Variants in MYO1A observed in about 807,000 individuals in gnomAD.
MYO1A encodes unconventional myosin-Ia.
MYO1A carries 127 observed loss-of-function variants against 138.5 expected under a neutral mutation model. The ratio of observed to expected loss-of-function variants is 0.92; its 90% CI spans 0.79 to 1.06. The LOEUF is 1.06. Among genes scored for constraint, MYO1A ranks in the 50% least tolerant of loss-of-function variants. The pLI, the probability that MYO1A is intolerant of heterozygous loss-of-function variation, is 0.00. For synonymous variants in MYO1A, 477 were observed against 497.5 expected (o/e 0.96, Z 0.55); for missense variants, 1,211 against 1,288.8 (o/e 0.94, Z 0.92).
rs1221888902 is a variant in MYO1A, at chr12:57,041,032, T to C, written c.1269+152A>G. 8.9e-6 allele frequency: 6 copies of C among 677,194 alleles called. No homozygotes were observed. In the East Asian group the frequency reaches 1.4e-4, roughly 15 times the overall value. The allele number at this position is 677,194 out of a possible 1,614,324, so 41.9% of individuals were successfully genotyped here. A position where few individuals can be genotyped will look rare whatever the true frequency, so the allele number is the denominator to read the frequency against. Reference sequence around the variant, plus strand: ...GCAGAGGATTAGGGCTACTTGGTAATGCTGGAATGATCTACTATGCAAGGG... The same window carrying C: ...GCAGAGGATTAGGGCTACTTGGTAACGCTGGAATGATCTACTATGCAAGGG... On this transcript the variant is annotated intron_variant, in intron 14 of 27. Coordinates refer to ENST00000300119, the MANE Select transcript of MYO1A (RefSeq NM_005379.4).
Position 57,036,400 on chromosome 12 carries a change from A to G in MYO1A, c.2275-19T>C. The stretch of plus-strand genomic sequence containing the variant: ...TTCGGGCCTGGCAGAAAAGTACAAG[A>G]AAGGAGCCAAAGTGAAGATAGGCAG... On this transcript the variant is annotated intron_variant, in intron 21 of 27. Coordinates refer to ENST00000300119, the MANE Select transcript of MYO1A (RefSeq NM_005379.4). 1.2e-6 allele frequency: 2 copies of G among 1,612,448 alleles called. No individual in the cohort carries two copies. The highest frequency in any genetic ancestry group is 1.7e-6 in the Non-Finnish European group (2 of 1,178,546).
rs2030621857 is a variant in MYO1A, at chr12:57,037,599, CG to C, written c.2003del (p.Ser668TrpfsTer28). 1 of 1,614,170 alleles carries C rather than the reference CG, an allele frequency of 6.2e-7. No homozygotes were observed. Among genetic ancestry groups the C allele is most frequent in the African/African-American group, 1.3e-5 (1 of 75,026 alleles). On this transcript the variant is annotated frameshift_variant, in exon 19 of 28. Transcript: ENST00000300119. LOFTEE classifies it high-confidence loss of function. ...TTGTCTTGCCAAAGGCCAGCTCCCC[CG>C]AGGACATGCTCAGCTCCCCCAGGAC... ...EKVLGELSMS[S>X]GELAFGKTKI...
rs367958126 is a variant in MYO1A, at chr12:57,043,658, A to G, written c.892+198T>C. On this transcript the variant is annotated intron_variant, in intron 10 of 27. Transcript: ENST00000300119. ...AGACTCAGAGAATTTCCAGACCTAG[A>G]TATATCAAATTTCAAAAGCTCATTC... Among the ~76,000 whole-genome samples the G allele has an allele frequency of 6.9e-4, 105 of 152,298 alleles. 1 individual carries two copies. The South Asian group carries it at 0.021, about 30-fold the overall frequency.
At chr12:57,049,205 G>A (rs1335276525) in intron 1 of MYO1A, among the ~76,000 whole-genome samples, 1 of 152,226 alleles carries the variant, frequency 6.6e-6, no homozygotes, top group Non-Finnish European at 1.5e-5. Flanking sequence ...GGTGGGGCTT[G>A]GCCCCCATGC....
Position 57,036,828 on chromosome 12 carries a change from A to G in MYO1A, c.2218T>C (p.Tyr740His). 1 of 1,614,234 alleles carries G rather than the reference A, an allele frequency of 6.2e-7. No homozygotes were observed. Among genetic ancestry groups the G allele is most frequent in the Non-Finnish European group, 8.5e-7 (1 of 1,180,044 alleles). ...WFRGNMQKKC[Y>H]GKIKASVLLI... ...AACACGGATGCCTTTATCTTCCCAT[A>G]GCATTTCTTTTGCTGTAGAAAACAT... Residue 740 changes from tyrosine (Y) to histidine (H), a missense_variant, in exon 21 of 28, where the codon TAT becomes CAT. Physicochemically the swap from Tyr to His is moderately conservative, Grantham distance 83 (BLOSUM62 2). Transcript: ENST00000300119.
intron 19 of MYO1A, 27 bp downstream of exon 19, chr12:57,037,521 C>T (rs370503076): frequency 1.2e-6 from 2 of 1,605,724 alleles, no homozygotes; most frequent in African/African-American, 1.3e-5. Context: ...CTACCCTCAC[C>T]AAATGCTAAT....
Position 57,029,504 on chromosome 12 carries a change from C to T in MYO1A, c.2808G>A (p.Gly936=), listed in dbSNP as rs764252617. ...CTGACACCCCAGCCACATTGTCTAGCCCAATGACAATTTTGGCCTGGGACT... is the reference window on the plus strand; with the variant it reads ...CTGACACCCCAGCCACATTGTCTAGTCCAATGACAATTTTGGCCTGGGACT... The part of the protein sequence containing the change: ...TKKSQAKIVI[G]LDNVAGVSVT... The change falls in exon 26 of 28, where the codon GGG becomes GGA. Residue 936 remains glycine, a synonymous_variant. Coordinates refer to ENST00000300119, the MANE Select transcript of MYO1A (RefSeq NM_005379.4). 8 of 1,614,204 alleles carry T rather than the reference C, an allele frequency of 5.0e-6. No individual in the cohort carries two copies. Among genetic ancestry groups the T allele is most frequent in the Non-Finnish European group, 6.8e-6 (8 of 1,180,036 alleles).
At chr12:57,050,372 G>C (rs936661124), upstream of MYO1A, among the ~76,000 whole-genome samples, 8 of 152,210 alleles carry the variant, frequency 5.3e-5, no homozygotes, top group African/African-American at 1.7e-4. Context: ...ATTTCCCAAA[G>C]AGAAGTCAGG....
At chr12:57,036,630 G>T in intron 21 of MYO1A, 142 bp downstream of exon 21, 1 of 1,099,434 alleles carries the variant, frequency 9.1e-7, no homozygotes. Flanking sequence ...CTCACTCCCA[G>T]ACACCCACCC....
At position 57,030,148 on chromosome 12, in the gene MYO1A, C is replaced by A. The variant is rs56270558; in HGVS notation, c.2591+62G>T. On this transcript the variant is annotated intron_variant, in intron 24 of 27. Transcript: ENST00000300119. ...AATCCTGCCAGGTGATTCTAAGGCA[C>A]GCTCAAGTTTGAGAACTGCTGCGTG... is the stretch of plus-strand genomic sequence containing the variant. 0.085 allele frequency: 122,518 copies of A among 1,435,658 alleles called. 5,557 individuals are homozygous for A. The highest frequency in any genetic ancestry group is 0.14 in the East Asian group (6,286 of 43,982). The allele number at this position is 1,435,658 out of a possible 1,614,324, so 88.9% of individuals were successfully genotyped here.
chr12:57,039,493 T>C, intron 14 of MYO1A: 1 of 577,266 alleles, frequency 1.7e-6, no homozygotes. Flanking sequence ...TTGGAGCAGC[T>C]GTGAGAGAGG....
At chr12:57,039,120 C>T in intron 15 of MYO1A, 92 bp downstream of exon 15, 1 of 1,567,074 alleles carries the variant, frequency 6.4e-7, no homozygotes. Flanking sequence ...TTTACTGTCC[C>T]TACCAAGTGG....
At chr12:57,030,117 G>A (rs979881756) in intron 24 of MYO1A, 93 bp downstream of exon 24, 134 of 1,301,494 alleles carry the variant, frequency 1.0e-4, no homozygotes, top group Non-Finnish European at 1.4e-4. Flanking sequence ...AGCACCTGGG[G>A]GTGACAATCC....
At chr12:57,048,137 T>C (rs961528318) in intron 2 of MYO1A, 33 bp from the exon 3 acceptor site, 1 of 1,607,096 alleles carries the variant, frequency 6.2e-7, no homozygotes, top group African/African-American at 1.3e-5. Flanking sequence ...GGGAATGAGC[T>C]TGAGGGTGAG....
In MYO1A at chr12:57,043,271, T is replaced by G. The variant is rs779250534; in HGVS notation, c.980A>C (p.Glu327Ala). Residue 327 changes from glutamate (E) to alanine (A), a missense_variant, in exon 11 of 28, where the codon GAA becomes GCA. Glu to Ala is a moderately radical substitution (Grantham distance 107, BLOSUM62 -1). Coordinates refer to ENST00000300119, the MANE Select transcript of MYO1A (RefSeq NM_005379.4). The part of the protein sequence containing the change: ...LCSRTMETAK[E>A]KVVTALNVMQ... Reference sequence around the variant, plus strand: ...AACATTCAGTGCAGTGACCACCTTTTCCTTGGCTGTTTCCATGGTCCTCGA... The same window carrying G: ...AACATTCAGTGCAGTGACCACCTTTGCCTTGGCTGTTTCCATGGTCCTCGA... 2 of 1,614,230 alleles carry G rather than the reference T, an allele frequency of 1.2e-6. No homozygotes were observed. Among genetic ancestry groups the G allele is most frequent in the South Asian group, 2.2e-5 (2 of 91,086 alleles).
chr12:57,045,418 G>A (rs2031052467), intron 8 of MYO1A, among the ~76,000 whole-genome samples: 1 of 152,174 alleles, frequency 6.6e-6, no homozygotes, highest in Non-Finnish European at 1.5e-5. Context: ...TATCTGGAGG[G>A]AGAATGAGTC....
intron 17 of MYO1A, among the ~76,000 whole-genome samples, 155 bp downstream of exon 17, chr12:57,038,257 G>A (rs1439225778): frequency 1.3e-5 from 2 of 152,174 alleles, no homozygotes; most frequent in African/African-American, 4.8e-5. Context: ...TCCCCCTGTG[G>A]GACTCTCAGC....
In MYO1A at chr12:57,031,118, G is replaced by C. The variant is rs150587673; in HGVS notation, c.2406C>G (p.Asp802Glu). 6.2e-7 allele frequency: 1 copy of C among 1,614,164 alleles called. No homozygotes were observed. The highest frequency in any genetic ancestry group is 2.2e-5 in the East Asian group (1 of 44,888). ...TGTAGGGGGCGGCTGGCCATGTCTT[G>C]TCTAAGACGTTTGTGGATGGCAAAT... ...KNNLPSTNVL[D>E]KTWPAAPYKC... Residue 802 changes from aspartate to glutamate, a missense_variant, in exon 23 of 28, where the codon GAC becomes GAG. Coordinates refer to ENST00000300119, the MANE Select transcript of MYO1A (RefSeq NM_005379.4).
Position 57,048,209 on chromosome 12 carries a change from C to G in MYO1A, c.114+1G>C. 6.2e-7 allele frequency: 1 copy of G among 1,613,452 alleles called. No individual in the cohort carries two copies. The highest frequency in any genetic ancestry group is 1.1e-5 in the South Asian group (1 of 91,068). ...GCCAGAGGCACCCATATGACACTCA[C>G]ATAAATCTCCTTGTTTTCATAGCGA... On this transcript the variant is annotated splice_donor_variant, in intron 2 of 27. Transcript: ENST00000300119. LOFTEE classifies it high-confidence loss of function.
Sources: gnomAD v4.1 joint callset for allele counts (sites outside exome capture counted in the v4.1 genomes callset) on GRCh38, gnomAD v4.1.1 for gene constraint, MANE v1.5 for transcripts, NCBI Gene and HGNC (gene_info 2026-07-23, HGNC 2026-07-21) for gene names.